RPL4: variants seen among roughly 807,000 people sequenced by gnomAD.
The protein encoded by RPL4 is large ribosomal subunit protein uL4.
In RPL4, 3 loss-of-function variants were observed where a neutral mutation model predicts 47.7. The ratio of observed to expected loss-of-function variants is 0.06; its 90% CI spans 0.03 to 0.16. The LOEUF is 0.16. RPL4 is among the 10% of genes least tolerant of loss of function. The pLI is 1.00. For synonymous variants in RPL4, 208 were observed against 182.1 expected (o/e 1.14, Z -1.15); for missense variants, 413 against 551.3 (o/e 0.75, Z 2.51).
rs911044777 is a variant in RPL4, at chr15:66,499,029, A to C, written c.*378T>G. 1 of 186,490 alleles carries C rather than the reference A, an allele frequency of 5.4e-6. No individual in the cohort carries two copies. The highest frequency in any genetic ancestry group is 1.1e-5 in the Non-Finnish European group (1 of 88,794). 11.6% of individuals were successfully genotyped at this position (186,490 alleles called of 1,614,324 possible). On this transcript the variant is annotated 3_prime_UTR_variant, in exon 10 of 10. Transcript: ENST00000307961. ...TCTCCAGTTGTGCCCTCTTGTGGTT[A>C]AAGTTAAATCTTTACAGAATTTAAC...
chr15:66,501,743 T>A (rs1567034729), intron 5 of RPL4, 45 bp downstream of exon 5: 29 of 1,597,536 alleles, frequency 1.8e-5, no homozygotes, highest in Non-Finnish European at 2.3e-5. Flanking sequence ...AGTGACAAAC[T>A]GTGAACAAGG....
intron 5 of RPL4, 107 bp from the exon 6 acceptor site, chr15:66,501,611 G>T (rs1032219147): frequency 2.7e-5 from 42 of 1,535,704 alleles, no homozygotes; most frequent in Non-Finnish European, 3.4e-5. Context: ...ACAATAACTT[G>T]CCAAGGTTAC....
intron 7 of RPL4, 185 bp downstream of exon 7, chr15:66,500,761 GAGA>G (rs1434333822): frequency 3.0e-6 from 2 of 668,402 alleles, no homozygotes; most frequent in Non-Finnish European, 5.1e-6. Flanking sequence ...CAGCGTGGGT[GAGA>G]CAGAACAACT....
Position 66,498,755 on chromosome 15 carries a change from G to T in RPL4, c.*652C>A, listed in dbSNP as rs1002207676. 6.6e-6 allele frequency: 1 copy of T among 152,310 alleles called. No individual in the cohort carries two copies. The highest frequency in any genetic ancestry group is 2.4e-5 in the African/African-American group (1 of 41,424). 9.4% of individuals were successfully genotyped at this position (152,310 alleles called of 1,614,324 possible). On this transcript the variant is annotated 3_prime_UTR_variant, in exon 10 of 10. Transcript: ENST00000307961. ...GGGTTACAGGCATGCACCATGACTG[G>T]CTATTTTTTATATTTTCAGTAGAGA...
chr15:66,499,960 TTGCAGTGAGC>T, intron 9 of RPL4, 86 bp downstream of exon 9: 2 of 1,444,918 alleles, frequency 1.4e-6, no homozygotes, highest in Non-Finnish European at 1.9e-6. Context: ...TAGGTGGAGG[TTGCAGTGAGC>T]TGAGATCACG....
chr15:66,499,916 G>T, intron 9 of RPL4, 140 bp downstream of exon 9: 1 of 1,120,246 alleles, frequency 8.9e-7, no homozygotes, highest in Non-Finnish European at 1.3e-6. Context: ...CCAGCTACTT[G>T]GGAGGCTGAG....
chr15:66,498,920 T>C lies in RPL4; in HGVS notation c.*487A>G, dbSNP rs4432220. On this transcript the variant is annotated 3_prime_UTR_variant, in exon 10 of 10. Transcript: ENST00000307961. The stretch of plus-strand genomic sequence containing the variant: ...CACTTTTTCAAACCATGGGTGAAAA[T>C]ACTCAACTCTATTGTTATAGCTGGT... The C allele has an allele frequency of 0.19, 29,670 of 155,396 alleles. 2,914 individuals carry two copies. Among genetic ancestry groups the C allele is most frequent in the East Asian group, 0.37 (1,925 of 5,238 alleles). 9.6% of individuals were successfully genotyped at this position (155,396 alleles called of 1,614,324 possible).
At chr15:66,504,069 G>C (rs1169391811) in intron 1 of RPL4, among the ~76,000 whole-genome samples, 1 of 151,972 alleles carries the variant, frequency 6.6e-6, no homozygotes, top group African/African-American at 2.4e-5. Flanking sequence ...GATATTTTTC[G>C]GTCTCAGGAC....
At chr15:66,504,724 C>T in intron 1 of RPL4, 64 bp downstream of exon 1, 1 of 1,600,496 alleles carries the variant, frequency 6.2e-7, no homozygotes. Flanking sequence ...TGCTCCGAAC[C>T]CCAAATCCTT....
At chr15:66,500,199 T>A in intron 8 of RPL4, 23 bp from the exon 9 acceptor site, 1 of 1,613,844 alleles carries the variant, frequency 6.2e-7, no homozygotes, top group Non-Finnish European at 8.5e-7. Flanking sequence ...AGATACTGTA[T>A]CAACATTTTA....
At chr15:66,502,007 G>T in intron 4 of RPL4, 95 bp from the exon 5 acceptor site, 1 of 1,502,064 alleles carries the variant, frequency 6.7e-7, no homozygotes, top group Non-Finnish European at 9.2e-7. Context: ...AAGCAAAATG[G>T]TATTCCGTTT....
intron 1 of RPL4, 116 bp downstream of exon 1, chr15:66,504,672 G>A (rs1177216201): frequency 5.0e-5 from 73 of 1,465,302 alleles, no homozygotes; most frequent in East Asian, 7.3e-5. Flanking sequence ...GACGCCTTTG[G>A]TCCTCATCTC....
chr15:66,501,319 A>T, intron 6 of RPL4, 56 bp downstream of exon 6: 1 of 1,612,222 alleles, frequency 6.2e-7, no homozygotes, highest in Non-Finnish European at 8.5e-7. Context: ...ATCATAACAA[A>T]AGCTGAGTAG....
Position 66,500,104 on chromosome 15 carries a change from T to C in RPL4, c.990A>G (p.Pro330=), listed in dbSNP as rs924271144. 5.6e-6 allele frequency: 9 copies of C among 1,612,682 alleles called. No homozygotes were observed. Among genetic ancestry groups the C allele is most frequent in the Non-Finnish European group, 7.6e-6 (9 of 1,179,882 alleles). The change falls in exon 9 of 10, where the codon CCA becomes CCG. Residue 330 remains proline, a synonymous_variant. Coordinates refer to ENST00000307961, the MANE Select transcript of RPL4 (RefSeq NM_000968.4). ...TGTTCCGGCGCATGGTCTTTGCATA[T>C]GGGTTTAGCTTCAACATGATTCTCA... ...KNLRIMLKLN[P]YAKTMRRNTI... is the part of the protein sequence containing the mutation.
In RPL4 at chr15:66,499,564, G is replaced by A. The variant is rs150330809; in HGVS notation, c.1127C>T (p.Pro376Leu). ...CTTCTTTCCTTTCTTACCTACCACA[G>A]GCTTCTTGCCTGCAACCGCCGCCTT... ...DEKAAVAGKK[P>L]VVGKKGKKAA... The change falls in exon 10 of 10, where the codon CCT becomes CTT. Residue 376 changes from proline (P) to leucine (L), a missense_variant. Pro to Leu is a moderately conservative substitution (Grantham distance 98). Around this residue, in one of 4 missense-constraint regions of RPL4, gnomAD observed 134 missense variants for 122.7 expected, o/e 1.09. Coordinates refer to ENST00000307961, the MANE Select transcript of RPL4 (RefSeq NM_000968.4). 3 of 1,613,652 alleles carry A rather than the reference G, an allele frequency of 1.9e-6. No individual in the cohort carries two copies. Among genetic ancestry groups the A allele is most frequent in the African/African-American group, 2.7e-5 (2 of 74,860 alleles).
intron 4 of RPL4, chr15:66,502,116 A>G (rs1375572185): frequency 2.7e-6 from 2 of 751,922 alleles, no homozygotes; most frequent in Non-Finnish European, 4.7e-6. Flanking sequence ...TGCGATGGGT[A>G]CGCAACAGGC....
In RPL4 at chr15:66,498,927, C is replaced by T. The variant is rs79720475; in HGVS notation, c.*480G>A. On this transcript the variant is annotated 3_prime_UTR_variant, in exon 10 of 10. Coordinates refer to ENST00000307961, the MANE Select transcript of RPL4 (RefSeq NM_000968.4). The stretch of plus-strand genomic sequence containing the variant: ...TCAAACCATGGGTGAAAATACTCAA[C>T]TCTATTGTTATAGCTGGTTAAAAAG... 0.036 allele frequency: 5,647 copies of T among 157,964 alleles called. 233 individuals are homozygous for T. Among genetic ancestry groups the T allele is most frequent in the African/African-American group, 0.088 (3,650 of 41,552 alleles). 9.8% of individuals were successfully genotyped at this position (157,964 alleles called of 1,614,324 possible).
chr15:66,503,188 T>C (rs756262031), intron 2 of RPL4, 24 bp from the exon 3 acceptor site: 5 of 1,609,304 alleles, frequency 3.1e-6, no homozygotes, highest in Non-Finnish European at 4.3e-6. Context: ...GAGATAAAAG[T>C]TGTAGCTGCT....
Position 66,502,937 on chromosome 15 carries a change from C to T in RPL4, c.282+121G>A, listed in dbSNP as rs763489845. 5 of 1,280,130 alleles carry T rather than the reference C, an allele frequency of 3.9e-6. No individual in the cohort carries two copies. In the South Asian group the frequency reaches 6.0e-5, roughly 15 times the overall value. 79.3% of individuals were successfully genotyped at this position (1,280,130 alleles called of 1,614,324 possible). A position where few individuals can be genotyped will look rare whatever the true frequency, so the allele number is the denominator to read the frequency against. ...GCAAAATAACCCCATATAAATGAAG[C>T]CCCTTCTCTTCAAGACAAAAAAAAG... On this transcript the variant is annotated intron_variant, in intron 3 of 9. Coordinates refer to ENST00000307961, the MANE Select transcript of RPL4 (RefSeq NM_000968.4).
Sources: gnomAD v4.1 joint callset for allele counts (sites outside exome capture counted in the v4.1 genomes callset) on GRCh38, gnomAD v4.1.1 for gene constraint, gnomAD v4.1.1 regional missense constraint, MANE v1.5 for transcripts, NCBI Gene and HGNC (gene_info 2026-07-23, HGNC 2026-07-21) for gene names.